Variants in SUSD5 observed in about 807,000 individuals in gnomAD.
SUSD5 encodes the protein sushi domain-containing protein 5.
SUSD5 carries 33 observed loss-of-function variants against 29.5 expected under a neutral mutation model. The observed-to-expected ratio is 1.12, with a 90% confidence interval of 0.85 to 1.49. The LOEUF (loss-of-function observed/expected upper bound fraction) is 1.49, where lower values mean the gene tolerates loss of function less well. Ranked by LOEUF, SUSD5 falls within the 40% of genes most tolerant of loss-of-function variation. The pLI is 0.00. For missense variants in SUSD5, 776 were observed against 800.6 expected (o/e 0.97, Z 0.37); for synonymous variants, 308 against 325.3 (o/e 0.95, Z 0.57).
chr3:33,156,207 A>G (rs1160589940), intron 4 of SUSD5, among the ~76,000 whole-genome samples: 1 of 151,962 alleles, frequency 6.6e-6, no homozygotes, highest in East Asian at 1.9e-4. Context: ...CACCCAGCTA[A>G]TTTTGGTATT....
intron 4 of SUSD5, among the ~76,000 whole-genome samples, chr3:33,169,410 G>T (rs1002261753): frequency 6.6e-6 from 1 of 151,874 alleles, no homozygotes; most frequent in African/African-American, 2.4e-5. Flanking sequence ...TAGTAGCGAC[G>T]GGGTTTCACC....
chr3:33,218,802 C>CA lies in SUSD5; in HGVS notation c.-6_-5insT. ...GCTGGGTCCCTCGGCAGTCATGGTC[C>CA]GGGAGTGCGCGGGCCAGCGGACTCG... On this transcript the variant is annotated 5_prime_UTR_variant, in exon 1 of 5. Transcript: ENST00000309558. 1.4e-6 allele frequency: 2 copies of CA among 1,441,780 alleles called. No homozygotes were observed. The highest frequency in any genetic ancestry group is 5.3e-5 in the Admixed American group (2 of 37,468). 89.3% of individuals were successfully genotyped at this position (1,441,780 alleles called of 1,614,324 possible).
chr3:33,186,921 G>A (rs2031791024), intron 3 of SUSD5, among the ~76,000 whole-genome samples: 1 of 152,146 alleles, frequency 6.6e-6, no homozygotes, highest in Non-Finnish European at 1.5e-5. Context: ...GGGACAAGCA[G>A]TTATCTGAAA....
rs115277642 is a variant in SUSD5 at position 33,167,449 on chromosome 3, G to A, written c.598+7437C>T. On this transcript the variant is annotated intron_variant, in intron 4 of 4. Transcript: ENST00000309558. This position sits in a 1 kb window ranked among gnomAD's most constrained non-coding sequence, Gnocchi z 4.1. ...TGTCTGTGTATGCATGGATGTGCAT[G>A]TGATTGTGTGTGTATGTGTGTGTGT... Among the ~76,000 whole-genome samples the A allele has an allele frequency of 8.1e-3, 1,229 of 152,108 alleles. 10 individuals are homozygous for A. Among genetic ancestry groups the A allele is most frequent in the Admixed American group, 0.016 (244 of 15,278 alleles).
chr3:33,178,443 T>G (rs9813996), intron 3 of SUSD5, among the ~76,000 whole-genome samples: 39,934 of 145,208 alleles, frequency 0.28, 5,923 homozygotes, highest in East Asian at 0.53. Flanking sequence ...TAGTTTTTTT[T>G]TTGTTGTTGT....
At chr3:33,202,011 G>A (rs2032127120) in intron 3 of SUSD5, among the ~76,000 whole-genome samples, 1 of 149,578 alleles carries the variant, frequency 6.7e-6, no homozygotes, top group African/African-American at 2.5e-5. Flanking sequence ...AACTCCTTGA[G>A]AGAGGGGAGA....
rs188749569 is a variant in SUSD5, at chr3:33,191,332, G to A, written c.410-16258C>T. Among the ~76,000 whole-genome samples, 43 of 151,994 alleles carry A rather than the reference G, an allele frequency of 2.8e-4. No homozygotes were observed. The East Asian group carries it at 5.5e-3, about 19-fold the overall frequency. ...TTTTTAGTAGAGACAAGGTTTCACC[G>A]TGTTAGCCAGGATGGTCTTGATCTC... is the stretch of plus-strand genomic sequence containing the variant. On this transcript the variant is annotated intron_variant, in intron 3 of 4. Transcript: ENST00000309558.
At chr3:33,170,222 T>C (rs2031396703) in intron 4 of SUSD5, among the ~76,000 whole-genome samples, 1 of 152,124 alleles carries the variant, frequency 6.6e-6, no homozygotes, top group South Asian at 2.1e-4. Context: ...CCCGGCCGCA[T>C]CAGGACTTTT....
At position 33,152,429 on chromosome 3, in the gene SUSD5, A is replaced by T. The variant is rs1187367341; in HGVS notation, c.*313T>A. 3.6e-6 allele frequency: 1 copy of T among 280,814 alleles called. No individual in the cohort carries two copies. Among genetic ancestry groups the T allele is most frequent in the African/African-American group, 2.2e-5 (1 of 45,954 alleles). 17.4% of individuals were successfully genotyped at this position (280,814 alleles called of 1,614,324 possible). On this transcript the variant is annotated 3_prime_UTR_variant, in exon 5 of 5. Transcript: ENST00000309558. Reference sequence around the variant, plus strand: ...CATGAGACTCTGTCTCAAAAAAAAAAAGATAATACTGTGATGAAGGAAGAG... The same window carrying T: ...CATGAGACTCTGTCTCAAAAAAAAATAGATAATACTGTGATGAAGGAAGAG...
At chr3:33,174,645 T>C (rs1486581942) in intron 4 of SUSD5, among the ~76,000 whole-genome samples, 7 of 152,208 alleles carry the variant, frequency 4.6e-5, no homozygotes, top group African/African-American at 1.7e-4. Context: ...AAGTGGGGAT[T>C]TTAACTTGTT....
chr3:33,203,694 C>A (rs115030680), intron 3 of SUSD5, among the ~76,000 whole-genome samples: 5,828 of 152,288 alleles, frequency 0.038, 320 homozygotes, highest in African/African-American at 0.13. Flanking sequence ...CTGAGACGAC[C>A]TAGATACTCT....
At chr3:33,194,961 G>A (rs1412437775) in intron 3 of SUSD5, among the ~76,000 whole-genome samples, 2 of 152,170 alleles carry the variant, frequency 1.3e-5, no homozygotes, top group Middle Eastern at 3.2e-3. Flanking sequence ...TTGGGAGGCC[G>A]AGGTGGGTGG....
chr3:33,195,325 T>C (rs1361457884), intron 3 of SUSD5, among the ~76,000 whole-genome samples: 1 of 152,244 alleles, frequency 6.6e-6, no homozygotes, highest in Non-Finnish European at 1.5e-5. Context: ...ATAATTCTTC[T>C]CTGCTTACTT....
rs926510397 is a variant in SUSD5 at position 33,151,577 on chromosome 3, T to C, written c.*1165A>G. 6.6e-6 allele frequency: 1 copy of C among 152,096 alleles called. No individual in the cohort carries two copies. The highest frequency in any genetic ancestry group is 1.5e-5 in the Non-Finnish European group (1 of 68,016). 9.4% of individuals were successfully genotyped at this position (152,096 alleles called of 1,614,324 possible). A position where few individuals can be genotyped will look rare whatever the true frequency, so the allele number is the denominator to read the frequency against. On this transcript the variant is annotated 3_prime_UTR_variant, in exon 5 of 5. Coordinates refer to ENST00000309558, the MANE Select transcript of SUSD5 (RefSeq NM_015551.2). ...TTTTTTTCTCCCGTGTCATTCTCTC[T>C]TACTGGAGTTCAGAGAAATGGTTAA...
At chr3:33,202,074 A>ATCTG (rs2032132215) in intron 3 of SUSD5, among the ~76,000 whole-genome samples, 8 of 145,310 alleles carry the variant, frequency 5.5e-5, no homozygotes, top group African/African-American at 1.8e-4. Context: ...CTATCTATCT[A>ATCTG]TCTATCATCT....
chr3:33,156,522 G>T (rs1198750494), intron 4 of SUSD5, among the ~76,000 whole-genome samples: 1 of 152,206 alleles, frequency 6.6e-6, no homozygotes, highest in African/African-American at 2.4e-5. Context: ...CAAGAAGCTG[G>T]TGTCCTCAGA....
At chr3:33,170,847 G>A (rs2031411078) in intron 4 of SUSD5, among the ~76,000 whole-genome samples, 1 of 152,214 alleles carries the variant, frequency 6.6e-6, no homozygotes. Flanking sequence ...ACAAGGAAGT[G>A]AGCAGCCAGT....
intron 1 of SUSD5, among the ~76,000 whole-genome samples, chr3:33,215,570 G>T (rs1039652203): frequency 3.9e-5 from 6 of 152,018 alleles, no homozygotes; most frequent in African/African-American, 1.2e-4. Flanking sequence ...GATATAGGTG[G>T]TATTATCATC....
intron 4 of SUSD5, among the ~76,000 whole-genome samples, chr3:33,164,161 A>T (rs2031255134): frequency 6.6e-6 from 1 of 152,146 alleles, no homozygotes. Context: ...GCGACAGAGC[A>T]AGACTCTGTC....
Sources: allele counts gnomAD v4.1 joint callset (sites outside exome capture counted in the v4.1 genomes callset), GRCh38; gene constraint gnomAD v4.1.1; non-coding constraint Gnocchi (gnomAD v3.1); transcripts MANE v1.5; gene names NCBI Gene and HGNC (gene_info 2026-07-23, HGNC 2026-07-21).